Variants in KAZN observed in about 807,000 individuals in gnomAD.
KAZN encodes kazrin, periplakin interacting protein.
A neutral mutation model predicts 87.4 loss-of-function variants in KAZN; 40 were observed. The ratio of observed to expected loss-of-function variants is 0.46; its 90% confidence interval spans 0.36 to 0.60. KAZN has a LOEUF of 0.60. KAZN is among the 20% of genes least tolerant of loss of function. KAZN has a pLI of 0.00. For synonymous variants in KAZN, 466 were observed against 458.3 expected, an observed-to-expected ratio of 1.02 and a Z score of -0.22; for missense variants, 898 against 1,073.9, an observed-to-expected ratio of 0.84 and a Z score of 2.29.
chr1:13,982,941 T>C (rs973746973), intron 1 of KAZN, among the ~76,000 whole-genome samples: 2 of 151,126 alleles, frequency 1.3e-5, no homozygotes, highest in East Asian at 2.0e-4. Flanking sequence ...ACAGTCTCCA[T>C]TGGTGTGCTC....
intron 1 of KAZN, among the ~76,000 whole-genome samples, chr1:14,880,047 C>T (rs1355755126): frequency 2.0e-5 from 3 of 152,272 alleles, no homozygotes; most frequent in African/African-American, 7.2e-5. Flanking sequence ...CTGTAGACCA[C>T]ATCATCGGCA....
At chr1:14,415,842 A>G (rs187771946) in intron 2 of KAZN, among the ~76,000 whole-genome samples, 498 of 152,104 alleles carry the variant, frequency 3.3e-3, no homozygotes, top group African/African-American at 0.011. Flanking sequence ...GTTGTCTTGG[A>G]TCAGCTTCTG....
chr1:14,035,111 A>G (rs192044599), intron 1 of KAZN, among the ~76,000 whole-genome samples: 2 of 152,284 alleles, frequency 1.3e-5, no homozygotes, highest in Admixed American at 1.3e-4. Flanking sequence ...CTATAGCAAC[A>G]TCGGGAGGCA....
Position 15,096,999 on chromosome 1 carries a change from C to T in KAZN, c.1547+2066C>T, listed in dbSNP as rs1640835104. 1.3e-5 allele frequency among the ~76,000 whole-genome samples: 2 copies of T among 152,174 alleles called. No individual in the cohort carries two copies. The highest frequency in any genetic ancestry group is 2.9e-5 in the Non-Finnish European group (2 of 68,026). On this transcript the variant is annotated intron_variant, in intron 10 of 14. Coordinates refer to ENST00000376030, the MANE Select transcript of KAZN (RefSeq NM_201628.3). This position sits in a 1 kb window ranked among gnomAD's most constrained non-coding sequence, Gnocchi z 4.5. ...GTGGAGCCCCACCCTTAGACACCCC[C>T]AGGGCTTCCTGGAGGAGGCAGAGGA... is the stretch of plus-strand genomic sequence containing the variant.
chr1:14,061,211 G>A (rs1342770669), intron 1 of KAZN, among the ~76,000 whole-genome samples: 1 of 152,214 alleles, frequency 6.6e-6, no homozygotes, highest in Non-Finnish European at 1.5e-5. Context: ...GGTTATAGTA[G>A]AGTGCTGTGG....
intron 1 of KAZN, among the ~76,000 whole-genome samples, chr1:14,832,189 T>C (rs1275784934): frequency 2.2e-5 from 3 of 136,652 alleles, no homozygotes; most frequent in East Asian, 2.1e-4. Flanking sequence ...AGAGCGAAAC[T>C]CCATCTCAAA....
At chr1:14,265,964 C>T (rs983768299) in intron 2 of KAZN, among the ~76,000 whole-genome samples, 6 of 152,198 alleles carry the variant, frequency 3.9e-5, no homozygotes, top group East Asian at 1.9e-4. Context: ...ATTGTCCTCT[C>T]CCTCGGGTGT....
chr1:14,664,747 A>G (rs1302000008), intron 1 of KAZN, among the ~76,000 whole-genome samples: 2 of 148,274 alleles, frequency 1.3e-5, no homozygotes, highest in South Asian at 4.3e-4. Context: ...TCCGCCTCCC[A>G]GGTTCACGGT....
chr1:14,955,183 C>T (rs1001849578), intron 1 of KAZN, among the ~76,000 whole-genome samples: 2 of 152,258 alleles, frequency 1.3e-5, no homozygotes, highest in Admixed American at 6.5e-5. Context: ...AGTCTTCCAA[C>T]GGCAGCTTCT....
intron 2 of KAZN, among the ~76,000 whole-genome samples, chr1:14,436,814 T>A (rs539066314): frequency 6.6e-6 from 1 of 151,956 alleles, no homozygotes; most frequent in East Asian, 1.9e-4. Flanking sequence ...CCCTGAGATG[T>A]TAAGTTACTT....
At chr1:14,764,285 T>G (rs578188058) in intron 1 of KAZN, among the ~76,000 whole-genome samples, 10 of 152,050 alleles carry the variant, frequency 6.6e-5, no homozygotes, top group Middle Eastern at 3.4e-3. Context: ...GAATCCTTAC[T>G]TCTTCAGGTC....
In KAZN at chr1:14,570,472, A is replaced by G. The variant is rs1674796722; in HGVS notation, c.250-28511A>G. Among the ~76,000 whole-genome samples, 7 of 152,216 alleles carry G rather than the reference A, an allele frequency of 4.6e-5. No homozygotes were observed. The South Asian group carries it at 1.5e-3, about 32-fold the overall frequency. ...TAGTTCTACTCATTCTGGATATTTC[A>G]TATAAGTGGAATTGTACAACTGGTG... On this transcript the variant is annotated intron_variant, in intron 2 of 16. Transcript: ENST00000636203.
chr1:14,934,506 T>C (rs886411529), intron 1 of KAZN, among the ~76,000 whole-genome samples: 3 of 152,226 alleles, frequency 2.0e-5, no homozygotes, highest in Non-Finnish European at 4.4e-5. Context: ...CGCCCGGCCC[T>C]CCTTTTTCAT....
At chr1:14,765,427 C>T (rs1644859209) in intron 1 of KAZN, among the ~76,000 whole-genome samples, 1 of 152,172 alleles carries the variant, frequency 6.6e-6, no homozygotes, top group Non-Finnish European at 1.5e-5. Context: ...GAAGGTATAG[C>T]CCAGTCTGGG....
chr1:14,716,724 G>A (rs1400748728), intron 1 of KAZN, among the ~76,000 whole-genome samples: 1 of 152,104 alleles, frequency 6.6e-6, no homozygotes, highest in Non-Finnish European at 1.5e-5. Context: ...GCTGTCCCTA[G>A]TTAACCTACA....
In KAZN at chr1:15,066,812, CCTT is replaced by C. The variant is rs1639257357; in HGVS notation, c.1222+1062_1222+1064del. The C allele has an allele frequency of 3.0e-6, 3 of 985,482 alleles. No individual in the cohort carries two copies. Among genetic ancestry groups the C allele is most frequent in the South Asian group, 4.7e-5 (1 of 21,288 alleles). 61.0% of individuals were successfully genotyped at this position (985,482 alleles called of 1,614,324 possible). On this transcript the variant is annotated intron_variant, in intron 8 of 14. Transcript: ENST00000376030. This position sits in a 1 kb window ranked among gnomAD's most constrained non-coding sequence, Gnocchi z 4.3. ...GCTTTTTCTGTTGGTTCTTCTCTCT[CCTT>C]CTCTCTCTGTCTCTCCCATTCTCCT...
At chr1:14,234,256 G>T (rs1055198596) in intron 2 of KAZN, among the ~76,000 whole-genome samples, 3 of 152,144 alleles carry the variant, frequency 2.0e-5, no homozygotes, top group Admixed American at 6.5e-5. Flanking sequence ...TCTTTGCAGG[G>T]ACATGGATGA....
At chr1:14,523,991 CGTTTTGTTTTGTTTTGTTTTGTTTT>C (rs57675147) in intron 2 of KAZN, among the ~76,000 whole-genome samples, 9 of 148,914 alleles carry the variant, frequency 6.0e-5, no homozygotes, top group African/African-American at 1.7e-4. Flanking sequence ...GCGTGTCACT[CGTTTTGTTTTGTTTTGTTTTGTTTT>C]GTTTTGTTTT....
intron 1 of KAZN, among the ~76,000 whole-genome samples, chr1:14,778,625 A>T (rs1645247250): frequency 6.6e-6 from 1 of 152,080 alleles, no homozygotes; most frequent in Non-Finnish European, 1.5e-5. Flanking sequence ...TCTCCACAAG[A>T]TCCTCAGAAA....
Sources: allele counts gnomAD v4.1 joint callset (sites outside exome capture counted in the v4.1 genomes callset), GRCh38; gene constraint gnomAD v4.1.1; non-coding constraint Gnocchi (gnomAD v3.1); transcripts MANE v1.5; gene names NCBI Gene and HGNC (gene_info 2026-07-23, HGNC 2026-07-21).